The following KLRD1 variants were observed in gnomAD, a reference collection of about 807,000 sequenced individuals.
The protein encoded by KLRD1 is natural killer cells antigen CD94.
KLRD1 carries 21 observed loss-of-function variants against 22.6 expected under a neutral mutation model. The observed-to-expected ratio is 0.93, with a 90% CI of 0.66 to 1.34. The LOEUF is 1.34. Among genes scored for constraint, KLRD1 ranks in the 40% most tolerant of loss-of-function variants. KLRD1 has a pLI of 0.00. For missense variants in KLRD1, 183 were observed against 208.6 expected (o/e 0.88, Z 0.76); for synonymous variants, 59 against 71.1 (o/e 0.83, Z 0.85).
At position 10,328,414 on chromosome 12, in the gene KLRD1, T is replaced by A. The variant is rs1327765942; in HGVS notation, c.*13621T>A. 6.6e-6 allele frequency: 1 copy of A among 152,102 alleles called. No individual in the cohort carries two copies. The highest frequency in any genetic ancestry group is 1.5e-5 in the Non-Finnish European group (1 of 68,012). The allele number at this position is 152,102 out of a possible 1,614,324, so 9.4% of individuals were successfully genotyped here. On this transcript the variant is annotated 3_prime_UTR_variant, in exon 6 of 6. Transcript: ENST00000336164. ...TCCTTGTCTTTGTGAATTTTTTCAT[T>A]TCTTCTAGGTTATCCAATTTGTTGG...
intron 1 of KLRD1, among the ~76,000 whole-genome samples, chr12:10,288,905 T>G (rs932863567): frequency 9.2e-5 from 14 of 151,942 alleles, no homozygotes; most frequent in African/African-American, 3.4e-4. Context: ...AGAAGGTGAG[T>G]TGGTTAGTCT....
chr12:10,263,322 A>G (rs970821686), intron 1 of KLRD1, among the ~76,000 whole-genome samples: 3 of 152,030 alleles, frequency 2.0e-5, no homozygotes, highest in Non-Finnish European at 4.4e-5. Flanking sequence ...AAATTATACA[A>G]AATTGTACCA....
Position 10,307,965 on chromosome 12 carries a change from A to G in KLRD1, c.-113A>G, listed in dbSNP as rs1036352798. ...CTCTATTTTTGCTAAATTTCTTCAT[A>G]CTCAACTTTCAGATTCTTTAATCTC... is the stretch of plus-strand genomic sequence containing the variant. On this transcript the variant is annotated 5_prime_UTR_variant, in exon 1 of 6. The change creates a new upstream start codon in the 5' untranslated region. Coordinates refer to ENST00000336164, the MANE Select transcript of KLRD1 (RefSeq NM_002262.5). 2.1e-6 allele frequency: 2 copies of G among 949,564 alleles called. No individual in the cohort carries two copies. Among genetic ancestry groups the G allele is most frequent in the African/African-American group, 3.3e-5 (2 of 60,688 alleles). 58.8% of individuals were successfully genotyped at this position (949,564 alleles called of 1,614,324 possible). A position where few individuals can be genotyped will look rare whatever the true frequency, so the allele number is the denominator to read the frequency against.
rs60673819 is a variant in KLRD1, at chr12:10,324,843, T to TATATATATAC, written c.*10050_*10051insATATATATAC. On this transcript the variant is annotated 3_prime_UTR_variant, in exon 6 of 6. Coordinates refer to ENST00000336164, the MANE Select transcript of KLRD1 (RefSeq NM_002262.5). Reference sequence around the variant, plus strand: ...GTATATATATATATATATATATATATTCATTTACACAGTTGATTCTAAGTG... The same window carrying TATATATATAC: ...GTATATATATATATATATATATATATATATATATACTCATTTACACAGTTGATTCTAAGTG... 3 of 141,866 alleles carry TATATATATAC rather than the reference T, an allele frequency of 2.1e-5. No individual in the cohort carries two copies. Among genetic ancestry groups the TATATATATAC allele is most frequent in the African/African-American group, 7.6e-5 (3 of 39,618 alleles). 8.8% of individuals were successfully genotyped at this position (141,866 alleles called of 1,614,324 possible).
In KLRD1 at chr12:10,318,070, T is replaced by A. The variant is rs1210126075; in HGVS notation, c.*3277T>A. On this transcript the variant is annotated 3_prime_UTR_variant, in exon 6 of 6. Transcript: ENST00000336164. ...AGGGGCACTACAATTCAAGATGAGA[T>A]TTGGGTGGGGACACAGCCAAGCCAT... The A allele has an allele frequency of 6.6e-6, 1 of 152,176 alleles. No homozygotes were observed. Among genetic ancestry groups the A allele is most frequent in the African/African-American group, 2.4e-5 (1 of 41,440 alleles). 9.4% of individuals were successfully genotyped at this position (152,176 alleles called of 1,614,324 possible).
upstream of KLRD1, among the ~76,000 whole-genome samples, chr12:10,306,633 A>G (rs945588915): frequency 6.6e-6 from 1 of 152,192 alleles, no homozygotes; most frequent in Non-Finnish European, 1.5e-5. Flanking sequence ...TTCTAACACT[A>G]AAAATGAATA....
intron 1 of KLRD1, among the ~76,000 whole-genome samples, chr12:10,257,979 C>A (rs894984160): frequency 5.9e-5 from 9 of 152,060 alleles, no homozygotes; most frequent in African/African-American, 2.2e-4. Flanking sequence ...CTTTGTGTGG[C>A]TTTTTCTGTT....
chr12:10,265,649 C>T (rs1949491988), intron 1 of KLRD1, among the ~76,000 whole-genome samples: 3 of 152,098 alleles, frequency 2.0e-5, no homozygotes, highest in African/African-American at 7.2e-5. Flanking sequence ...CCCAGCTACT[C>T]GGGAGGCTGA....
chr12:10,325,919 C>T lies in KLRD1; in HGVS notation c.*11126C>T, dbSNP rs1950357295. 1 of 152,188 alleles carries T rather than the reference C, an allele frequency of 6.6e-6. No individual in the cohort carries two copies. Among genetic ancestry groups the T allele is most frequent in the Non-Finnish European group, 1.5e-5 (1 of 68,026 alleles). 9.4% of individuals were successfully genotyped at this position (152,188 alleles called of 1,614,324 possible). A position where few individuals can be genotyped will look rare whatever the true frequency, so the allele number is the denominator to read the frequency against. On this transcript the variant is annotated 3_prime_UTR_variant, in exon 6 of 6. Coordinates refer to ENST00000336164, the MANE Select transcript of KLRD1 (RefSeq NM_002262.5). ...TTTCCACAGAAGCAGCACAATTTTT[C>T]ATTCCCACCAAAGTGTTCAAGGGGT...
intron 1 of KLRD1, among the ~76,000 whole-genome samples, chr12:10,262,040 A>C (rs1346923026): frequency 1.3e-5 from 2 of 152,114 alleles, no homozygotes; most frequent in Admixed American, 1.3e-4. Flanking sequence ...ATATATTTAA[A>C]ATCTAAAATC....
chr12:10,266,865 C>CTTTTTTTTTT (rs148285255), intron 1 of KLRD1, among the ~76,000 whole-genome samples: 1 of 142,522 alleles, frequency 7.0e-6, no homozygotes, highest in Non-Finnish European at 1.5e-5. Context: ...AGCCTTATTT[C>CTTTTTTTTTT]TTTTTTTTGT....
chr12:10,287,896 T>C (rs1313281466), intron 1 of KLRD1, among the ~76,000 whole-genome samples: 4 of 151,966 alleles, frequency 2.6e-5, no homozygotes, highest in African/African-American at 7.2e-5. Context: ...GGTGAAACCC[T>C]GTCTCTACTA....
chr12:10,240,757 G>A (rs1949233826), intron 1 of KLRD1, among the ~76,000 whole-genome samples: 2 of 152,120 alleles, frequency 1.3e-5, no homozygotes, highest in African/African-American at 4.8e-5. Flanking sequence ...ACATTTCCCT[G>A]ATTTTTAAGT....
chr12:10,253,578 C>A (rs1031090329), intron 1 of KLRD1, among the ~76,000 whole-genome samples: 4 of 152,096 alleles, frequency 2.6e-5, no homozygotes. Context: ...TCACCCTATC[C>A]CCTTGAGTAG....
intron 1 of KLRD1, among the ~76,000 whole-genome samples, chr12:10,292,164 C>G (rs1438130348): frequency 1.3e-5 from 2 of 152,162 alleles, no homozygotes; most frequent in Non-Finnish European, 2.9e-5. Context: ...CAGTTACTTT[C>G]TCCACTGAAG....
intron 1 of KLRD1, among the ~76,000 whole-genome samples, chr12:10,243,649 T>C (rs561082635): frequency 1.7e-5 from 2 of 115,610 alleles, no homozygotes; most frequent in African/African-American, 3.6e-5. Flanking sequence ...ATGAAAGATA[T>C]GGAACAATGT....
At chr12:10,292,240 A>G (rs1366635315) in intron 1 of KLRD1, among the ~76,000 whole-genome samples, 1 of 152,200 alleles carries the variant, frequency 6.6e-6, no homozygotes, top group Non-Finnish European at 1.5e-5. Flanking sequence ...TGTTAATGCT[A>G]TATTTGACCT....
In KLRD1 at chr12:10,314,844, A is replaced by G. The variant is rs765230061; in HGVS notation, c.*51A>G. 3 of 1,516,356 alleles carry G rather than the reference A, an allele frequency of 2.0e-6. No homozygotes were observed. In the Admixed American group the frequency reaches 5.7e-5, roughly 29 times the overall value. 93.9% of individuals were successfully genotyped at this position (1,516,356 alleles called of 1,614,324 possible). On this transcript the variant is annotated 3_prime_UTR_variant, in exon 6 of 6. Transcript: ENST00000336164. Reference sequence around the variant, plus strand: ...AGAGTAAAGACCCAACATTACTAACAATGATACAGTTGCATGTTATATTAT... The same window carrying G: ...AGAGTAAAGACCCAACATTACTAACGATGATACAGTTGCATGTTATATTAT...
At chr12:10,284,339 C>T (rs1949679409) in intron 1 of KLRD1, among the ~76,000 whole-genome samples, 1 of 152,158 alleles carries the variant, frequency 6.6e-6, no homozygotes, top group South Asian at 2.1e-4. Context: ...TATGAAACCA[C>T]ATGTGGAGGG....
Sources: allele counts gnomAD v4.1 joint callset (sites outside exome capture counted in the v4.1 genomes callset), GRCh38; gene constraint gnomAD v4.1.1; transcripts MANE v1.5; gene names NCBI Gene and HGNC (gene_info 2026-07-23, HGNC 2026-07-21).